Variants in NAV2 observed in about 807,000 individuals in gnomAD.
The protein encoded by NAV2 is neuron navigator 2.
Under a neutral mutation model 223.2 loss-of-function variants are expected in NAV2, and 54 were observed. That is an observed-to-expected ratio of 0.24 (90% CI 0.19 to 0.30). NAV2 has a LOEUF of 0.30. Among genes scored for constraint, NAV2 ranks in the 10% least tolerant of loss-of-function variants. The pLI is 1.00. For missense variants in NAV2, 2,806 were observed against 3,147.5 expected (o/e 0.89, Z 2.60); for synonymous variants, 1,279 against 1,239.3 (o/e 1.03, Z -0.67).
chr11:19,751,827 G>A (rs143692011), intron 1 of NAV2, among the ~76,000 whole-genome samples: 2 of 152,270 alleles, frequency 1.3e-5, no homozygotes, highest in African/African-American at 4.8e-5. Flanking sequence ...AGCAGAGAGG[G>A]ATTAGATAGG....
intron 1 of NAV2, among the ~76,000 whole-genome samples, chr11:19,792,711 AC>A (rs1429375012): frequency 3.2e-4 from 48 of 151,890 alleles, no homozygotes; most frequent in African/African-American, 1.1e-3. Flanking sequence ...ATTAATAGGT[AC>A]TCTTAATACT....
chr11:19,858,655 T>G (rs897343445), intron 3 of NAV2, among the ~76,000 whole-genome samples: 3 of 152,238 alleles, frequency 2.0e-5, no homozygotes, highest in Non-Finnish European at 4.4e-5. Flanking sequence ...TTGACTCTCC[T>G]TAGCCAAAAC....
chr11:19,925,897 G>C (rs1036406257), intron 6 of NAV2, among the ~76,000 whole-genome samples: 1 of 152,100 alleles, frequency 6.6e-6, no homozygotes, highest in Admixed American at 6.6e-5. Flanking sequence ...ATGTGCAAAG[G>C]TTTATTTCTG....
intron 1 of NAV2, among the ~76,000 whole-genome samples, chr11:19,785,809 A>G (rs1017986947): frequency 7.9e-5 from 12 of 152,280 alleles, no homozygotes; most frequent in African/African-American, 2.6e-4. Flanking sequence ...AGATTTAAGT[A>G]TATTTTAGCT....
intron 3 of NAV2, among the ~76,000 whole-genome samples, chr11:19,860,992 C>A (rs2153017566): frequency 7.2e-6 from 1 of 139,642 alleles, no homozygotes; most frequent in East Asian, 2.5e-4. Context: ...TACAGTCCAG[C>A]TTCGGCTCGG....
chr11:19,921,434 A>G (rs2044262475), intron 6 of NAV2, among the ~76,000 whole-genome samples: 3 of 152,252 alleles, frequency 2.0e-5, no homozygotes, highest in South Asian at 4.1e-4. Flanking sequence ...AACAAAAACC[A>G]TATTTAAATG....
Position 19,785,477 on chromosome 11 carries a change from TTGG to T in NAV2, c.268-47004_268-47002del, listed in dbSNP as rs1164981298. Among the ~76,000 whole-genome samples, 3 of 152,332 alleles carry T rather than the reference TTGG, an allele frequency of 2.0e-5. No individual in the cohort carries two copies. In the East Asian group the frequency reaches 5.8e-4, roughly 29 times the overall value. Reference sequence around the variant, plus strand: ...GGCTAATCTTTGCATGAAACTTGTTTTGGTGAAACTTGAGCCTGGAAAAGCCAA... The same window carrying T: ...GGCTAATCTTTGCATGAAACTTGTTTTGAAACTTGAGCCTGGAAAAGCCAA... On this transcript the variant is annotated intron_variant, in intron 1 of 37. Transcript: ENST00000349880.
chr11:19,662,633 A>T (rs2048316765), intron 1 of NAV2, among the ~76,000 whole-genome samples: 1 of 152,206 alleles, frequency 6.6e-6, no homozygotes, highest in African/African-American at 2.4e-5. Flanking sequence ...CCCCAGTGGC[A>T]CCGGACAGGC....
chr11:20,009,535 G>T (rs1457085137), intron 11 of NAV2, among the ~76,000 whole-genome samples: 2 of 152,118 alleles, frequency 1.3e-5, no homozygotes, highest in Admixed American at 6.5e-5. Context: ...TGCAAACAGC[G>T]CTGTGAGATT....
In NAV2 at chr11:20,002,216, C is replaced by T. The variant is rs139852313; in HGVS notation, c.2768+17969C>T. On this transcript the variant is annotated intron_variant, in intron 11 of 37. Transcript: ENST00000349880. ...AAGACTCCACCTCTAAACACTATCG[C>T]ATTGGGGGTTAGATTTCAATGTGAA... Among the ~76,000 whole-genome samples, 957 of 152,274 alleles carry T rather than the reference C, an allele frequency of 6.3e-3. 9 individuals are homozygous for T. Among genetic ancestry groups the T allele is most frequent in the African/African-American group, 0.022 (922 of 41,546 alleles).
At chr11:19,497,549 C>T (rs1024898318) in intron 1 of NAV2, among the ~76,000 whole-genome samples, 1 of 152,146 alleles carries the variant, frequency 6.6e-6, no homozygotes, top group Non-Finnish European at 1.5e-5. Context: ...TACCCAGGCT[C>T]TCTTCCTATT....
At chr11:19,780,603 G>A (rs952475350) in intron 1 of NAV2, among the ~76,000 whole-genome samples, 9 of 152,226 alleles carry the variant, frequency 5.9e-5, no homozygotes, top group African/African-American at 1.9e-4. Flanking sequence ...TGTGACATGG[G>A]CCAGTTGCTT....
At chr11:19,403,546 G>A (rs1849772313) in intron 1 of NAV2, among the ~76,000 whole-genome samples, 1 of 152,220 alleles carries the variant, frequency 6.6e-6, no homozygotes, top group Admixed American at 6.5e-5. Context: ...GCATGTAGCG[G>A]CACACGATGT....
chr11:19,559,539 CA>C (rs1473493518), intron 1 of NAV2, among the ~76,000 whole-genome samples: 1 of 152,196 alleles, frequency 6.6e-6, no homozygotes, highest in Non-Finnish European at 1.5e-5. Context: ...ATTTGAACTT[CA>C]TTTGTTCAGA....
intron 1 of NAV2, among the ~76,000 whole-genome samples, chr11:19,363,612 A>G (rs1854089010): frequency 6.6e-6 from 1 of 152,180 alleles, no homozygotes; most frequent in African/African-American, 2.4e-5. Flanking sequence ...CAATTCTCTG[A>G]CTGCGTGTCC....
At chr11:19,680,456 C>T (rs2048852124) in intron 1 of NAV2, among the ~76,000 whole-genome samples, 1 of 152,118 alleles carries the variant, frequency 6.6e-6, no homozygotes, top group Admixed American at 6.5e-5. Context: ...AAATATCAAC[C>T]ACCCAGCCAG....
chr11:19,415,314 C>T (rs911817184), intron 1 of NAV2, among the ~76,000 whole-genome samples: 6 of 152,188 alleles, frequency 3.9e-5, no homozygotes, highest in African/African-American at 1.4e-4. Flanking sequence ...ATACTATAAA[C>T]ACCTCTACGC....
At chr11:19,855,627 A>G (rs1451388614) in intron 3 of NAV2, among the ~76,000 whole-genome samples, 1 of 152,210 alleles carries the variant, frequency 6.6e-6, no homozygotes, top group African/African-American at 2.4e-5. Context: ...AGAAAGAGGC[A>G]TGCATTCCGG....
intron 1 of NAV2, among the ~76,000 whole-genome samples, chr11:19,573,778 G>T (rs2045494294): frequency 6.6e-6 from 1 of 152,152 alleles, no homozygotes; most frequent in Non-Finnish European, 1.5e-5. Flanking sequence ...GGCCTCCCTG[G>T]GTGGTTTCTG....
Sources: gnomAD v4.1 joint callset for allele counts (sites outside exome capture counted in the v4.1 genomes callset) on GRCh38, gnomAD v4.1.1 for gene constraint, MANE v1.5 for transcripts, NCBI Gene and HGNC (gene_info 2026-07-23, HGNC 2026-07-21) for gene names.